The following C8orf34 variants were observed in gnomAD, a reference collection of about 807,000 sequenced individuals.
C8orf34 encodes chromosome 8 open reading frame 34, also known as uncharacterized protein C8orf34.
A neutral mutation model predicts 68.3 loss-of-function variants in C8orf34; 65 were observed. The observed-to-expected ratio is 0.95, with a 90% confidence interval of 0.78 to 1.17. The LOEUF (loss-of-function observed/expected upper bound fraction) is 1.17, where lower values mean the gene tolerates loss of function less well. Ranked by LOEUF, C8orf34 falls within the 50% of genes most tolerant of loss-of-function variation. C8orf34 has a pLI of 0.00. For synonymous variants in C8orf34, 244 were observed against 241.2 expected (o/e 1.01, Z -0.11); for missense variants, 664 against 655.4 (o/e 1.01, Z -0.14).
At chr8:68,407,698 T>C in intron 1 of C8orf34, among the ~76,000 whole-genome samples, 1 of 152,200 alleles carries the variant, frequency 6.6e-6, no homozygotes, top group East Asian at 1.9e-4. Context: ...TTCTTAAAAA[T>C]GTTAGGCCTT....
chr8:68,669,403 A>T (rs1295243162), intron 8 of C8orf34, among the ~76,000 whole-genome samples: 2 of 152,212 alleles, frequency 1.3e-5, no homozygotes, highest in Non-Finnish European at 2.9e-5. Context: ...TTAAGCAGGA[A>T]TGAGCTCTCA....
chr8:68,507,390 A>G (rs912578976), intron 5 of C8orf34, among the ~76,000 whole-genome samples: 1 of 152,222 alleles, frequency 6.6e-6, no homozygotes. Flanking sequence ...TGAGACTGAC[A>G]TGAGATAATC....
intron 3 of C8orf34, among the ~76,000 whole-genome samples, chr8:68,449,266 C>A (rs187976805): frequency 1.3e-5 from 2 of 152,070 alleles, no homozygotes; most frequent in African/African-American, 4.8e-5. Context: ...TAACAAATCA[C>A]GCCAAGACTT....
chr8:68,417,271 T>A (rs1809714089), intron 1 of C8orf34, among the ~76,000 whole-genome samples: 1 of 152,162 alleles, frequency 6.6e-6, no homozygotes, highest in African/African-American at 2.4e-5. Context: ...TTAAATTAAA[T>A]TTTAAGTTTA....
At chr8:68,561,954 C>T (rs1488508967) in intron 7 of C8orf34, among the ~76,000 whole-genome samples, 1 of 152,106 alleles carries the variant, frequency 6.6e-6, no homozygotes, top group Non-Finnish European at 1.5e-5. Context: ...TGGAATAAAT[C>T]CCACCTTGGG....
At chr8:68,682,461 T>C (rs190949737) in intron 8 of C8orf34, among the ~76,000 whole-genome samples, 1 of 152,276 alleles carries the variant, frequency 6.6e-6, no homozygotes, top group African/African-American at 2.4e-5. Context: ...CTCTTCCTGG[T>C]GCAGACAGGG....
intron 7 of C8orf34, among the ~76,000 whole-genome samples, chr8:68,556,776 G>A (rs954161847): frequency 1.3e-5 from 2 of 152,164 alleles, no homozygotes; most frequent in African/African-American, 4.8e-5. Context: ...TGGTAGTAAT[G>A]TAGGTTGTAG....
chr8:68,737,999 A>G (rs141263833), intron 10 of C8orf34, among the ~76,000 whole-genome samples: 34 of 152,288 alleles, frequency 2.2e-4, no homozygotes, highest in African/African-American at 7.9e-4. Context: ...CATGGCACAT[A>G]CTTTAACATT....
intron 4 of C8orf34, among the ~76,000 whole-genome samples, chr8:68,485,331 C>T (rs1248484550): frequency 6.6e-6 from 1 of 151,968 alleles, no homozygotes; most frequent in African/African-American, 2.4e-5. Flanking sequence ...CTAAAAGAAA[C>T]TTAAAGATCA....
chr8:68,708,546 G>A (rs1821238778), intron 8 of C8orf34, among the ~76,000 whole-genome samples: 1 of 152,152 alleles, frequency 6.6e-6, no homozygotes, highest in African/African-American at 2.4e-5. Flanking sequence ...CGACCCACAG[G>A]CCTTGAAGCT....
chr8:68,737,787 C>G (rs1376157510), intron 10 of C8orf34, among the ~76,000 whole-genome samples: 1 of 151,988 alleles, frequency 6.6e-6, no homozygotes, highest in African/African-American at 2.4e-5. Context: ...TCTGAGAGAC[C>G]TTCAAAGCAA....
intron 1 of C8orf34, among the ~76,000 whole-genome samples, chr8:68,408,141 C>T (rs990968783): frequency 6.6e-6 from 1 of 151,972 alleles, no homozygotes; most frequent in African/African-American, 2.4e-5. Context: ...GCATTAGATT[C>T]TCCCAGGAGC....
chr8:68,812,700 T>G (rs1824690069), intron 12 of C8orf34, among the ~76,000 whole-genome samples: 1 of 152,314 alleles, frequency 6.6e-6, no homozygotes, highest in Non-Finnish European at 1.5e-5. Flanking sequence ...GTTCATAATT[T>G]TTTTACTTAA....
intron 3 of C8orf34, among the ~76,000 whole-genome samples, chr8:68,450,861 G>T (rs553585611): frequency 6.6e-6 from 1 of 152,094 alleles, no homozygotes; most frequent in African/African-American, 2.4e-5. Flanking sequence ...GTCACCAGCT[G>T]CATTAGCCCC....
At chr8:68,738,717 C>T (rs1488902834) in intron 10 of C8orf34, among the ~76,000 whole-genome samples, 1 of 152,012 alleles carries the variant, frequency 6.6e-6, no homozygotes, top group Non-Finnish European at 1.5e-5. Flanking sequence ...TACATACATC[C>T]TCCCAAGAAT....
chr8:68,549,432 T>G (rs1325920676), intron 7 of C8orf34, among the ~76,000 whole-genome samples: 2 of 150,638 alleles, frequency 1.3e-5, no homozygotes, highest in Non-Finnish European at 3.0e-5. Flanking sequence ...AGGTGGGGAG[T>G]GAGGGATTGA....
chr8:68,749,583 T>C (rs949414763), intron 10 of C8orf34, among the ~76,000 whole-genome samples: 1 of 152,176 alleles, frequency 6.6e-6, no homozygotes, highest in African/African-American at 2.4e-5. Context: ...TCCTCATGCC[T>C]ATTTATAGTT....
At position 68,640,485 on chromosome 8, in the gene C8orf34, A is replaced by G. The variant is rs750720933; in HGVS notation, c.1215A>G (p.Thr405=). ...TYPAEPQAKV[T]LNICSRCARL... is the part of the protein sequence containing the mutation. ...CTGCTGAGCCTCAGGCCAAGGTCAC[A>G]CTGAACATCTGTTCAAGGTGTGCCA... The change falls in exon 8 of 14, where the codon ACA becomes ACG. Residue 405 remains threonine, a synonymous_variant. Coordinates refer to ENST00000518698, the MANE Select transcript of C8orf34 (RefSeq NM_052958.4). The G allele has an allele frequency of 2.4e-5, 38 of 1,613,808 alleles. No homozygotes were observed. Among genetic ancestry groups the G allele is most frequent in the Non-Finnish European group, 8.5e-7 (1 of 1,179,884 alleles).
At position 68,498,983 on chromosome 8, in the gene C8orf34, T is replaced by C. The variant is rs1022945702; in HGVS notation, c.765+10932T>C. Among the ~76,000 whole-genome samples the C allele has an allele frequency of 5.3e-5, 8 of 152,280 alleles. No homozygotes were observed. The East Asian group carries it at 1.4e-3, about 26-fold the overall frequency. ...TGTGCAGGTTTGTTATGTGAGTGTATTGCGTGAAACTGAGGTTTGGGGTAT... is the reference window on the plus strand; with the variant it reads ...TGTGCAGGTTTGTTATGTGAGTGTACTGCGTGAAACTGAGGTTTGGGGTAT... On this transcript the variant is annotated intron_variant, in intron 5 of 13. Transcript: ENST00000518698.
Sources: gnomAD v4.1 joint callset for allele counts (sites outside exome capture counted in the v4.1 genomes callset) on GRCh38, gnomAD v4.1.1 for gene constraint, MANE v1.5 for transcripts, NCBI Gene and HGNC (gene_info 2026-07-23, HGNC 2026-07-21) for gene names.